Variants in SPSB4 observed in about 807,000 individuals in gnomAD.
The protein encoded by SPSB4 is SPRY domain-containing SOCS box protein 4.
SPSB4 carries 21 observed loss-of-function variants against 20.9 expected under a neutral mutation model. That is an observed-to-expected ratio of 1.01 (90% CI 0.71 to 1.45). The LOEUF is 1.45. Among genes scored for constraint, SPSB4 ranks in the 40% most tolerant of loss-of-function variants. The pLI, the probability that SPSB4 is intolerant of heterozygous loss-of-function variation, is 0.00. For missense variants in SPSB4, 399 were observed against 399.2 expected (o/e 1.00, Z 0.00); for synonymous variants, 207 against 183.8 (o/e 1.13, Z -1.02).
At chr3:141,112,402 T>C (rs945040109) in intron 2 of SPSB4, among the ~76,000 whole-genome samples, 2 of 151,642 alleles carry the variant, frequency 1.3e-5, no homozygotes, top group African/African-American at 4.8e-5. Flanking sequence ...TCCCAGCACT[T>C]TGGGAGGCCG....
At chr3:141,146,721 C>G in intron 2 of SPSB4, among the ~76,000 whole-genome samples, 1 of 151,478 alleles carries the variant, frequency 6.6e-6, no homozygotes, top group South Asian at 2.1e-4. Flanking sequence ...TTGCAGTGAG[C>G]CCAGATTGTG....
At chr3:141,134,167 A>G (rs915875001) in intron 2 of SPSB4, among the ~76,000 whole-genome samples, 1 of 142,652 alleles carries the variant, frequency 7.0e-6, no homozygotes, top group African/African-American at 2.6e-5. Flanking sequence ...TTGATTTTGT[A>G]TACTGAAACT....
chr3:141,123,720 TA>T (rs1223639803), intron 2 of SPSB4, among the ~76,000 whole-genome samples: 1 of 152,218 alleles, frequency 6.6e-6, no homozygotes, highest in African/African-American at 2.4e-5. Context: ...TCAGTACCCA[TA>T]GGGGCAGCTG....
intron 2 of SPSB4, among the ~76,000 whole-genome samples, chr3:141,097,196 T>C (rs1365246408): frequency 6.6e-6 from 1 of 151,768 alleles, no homozygotes; most frequent in Non-Finnish European, 1.5e-5. Flanking sequence ...ACATAGGCCA[T>C]TGCTGTAGTC....
intron 2 of SPSB4, among the ~76,000 whole-genome samples, chr3:141,140,832 G>A (rs1313803759): frequency 1.3e-5 from 2 of 152,196 alleles, no homozygotes; most frequent in East Asian, 3.8e-4. Context: ...CTGCGTGCTG[G>A]GAGAACCACT....
At chr3:141,111,667 A>G (rs1043274192) in intron 2 of SPSB4, among the ~76,000 whole-genome samples, 6 of 152,168 alleles carry the variant, frequency 3.9e-5, no homozygotes, top group Non-Finnish European at 2.9e-5. Context: ...CGTCCTAGGA[A>G]ACAGGTTCTT....
intron 2 of SPSB4, among the ~76,000 whole-genome samples, chr3:141,104,103 C>A (rs1419656246): frequency 1.3e-5 from 2 of 152,162 alleles, no homozygotes; most frequent in Non-Finnish European, 1.5e-5. Context: ...TATAAAGCAG[C>A]CCCTAGAAGG....
chr3:141,077,108 AG>A (rs1426097170), intron 2 of SPSB4: 26 of 152,296 alleles, frequency 1.7e-4, no homozygotes, highest in African/African-American at 6.0e-4. Flanking sequence ...GACACTAATA[AG>A]GCTGCTTGTC....
At chr3:141,082,846 C>T (rs1938264919) in intron 2 of SPSB4, among the ~76,000 whole-genome samples, 1 of 152,204 alleles carries the variant, frequency 6.6e-6, no homozygotes, top group African/African-American at 2.4e-5. Context: ...CTCTTTTCTT[C>T]CCCTGCTGTC....
At chr3:141,065,490 AG>A (rs1430031607) in intron 1 of SPSB4, among the ~76,000 whole-genome samples, 1 of 152,224 alleles carries the variant, frequency 6.6e-6, no homozygotes, top group Non-Finnish European at 1.5e-5. Flanking sequence ...TGGGATCAAA[AG>A]CACCTGGGTT....
At chr3:141,060,299 A>T (rs895957472) in intron 1 of SPSB4, among the ~76,000 whole-genome samples, 1 of 152,004 alleles carries the variant, frequency 6.6e-6, no homozygotes, top group East Asian at 1.9e-4. Flanking sequence ...AGCAACAGCA[A>T]CTCCACAGTT....
chr3:141,120,584 T>A lies in SPSB4; in HGVS notation c.695-26558T>A, dbSNP rs879629040. On this transcript the variant is annotated intron_variant, in intron 2 of 2. Coordinates refer to ENST00000310546, the MANE Select transcript of SPSB4 (RefSeq NM_080862.3). ...GATCTCTAAGGACTTCCTTTATGAA[T>A]CTGTGTGCTCCTGTATTGGGTGCAT... 3.3e-5 allele frequency among the ~76,000 whole-genome samples: 5 copies of A among 152,032 alleles called. No individual in the cohort carries two copies. In the East Asian group the frequency reaches 9.7e-4, roughly 29 times the overall value.
Position 141,063,588 on chromosome 3 carries a change from G to A in SPSB4, c.-153-2364G>A, listed in dbSNP as rs1937807146. On this transcript the variant is annotated intron_variant, in intron 1 of 2. Transcript: ENST00000310546. Reference sequence around the variant, plus strand: ...AGACCATGCTAGGTGTCTCCCTTCTGAAATAATCAATCACAAAATTAGTTT... The same window carrying A: ...AGACCATGCTAGGTGTCTCCCTTCTAAAATAATCAATCACAAAATTAGTTT... Among the ~76,000 whole-genome samples the A allele has an allele frequency of 4.6e-5, 7 of 152,300 alleles. 1 individual carries two copies. In the South Asian group the frequency reaches 1.4e-3, roughly 32 times the overall value.
At chr3:141,136,125 G>A (rs942983707) in intron 2 of SPSB4, among the ~76,000 whole-genome samples, 1 of 152,100 alleles carries the variant, frequency 6.6e-6, no homozygotes, top group Non-Finnish European at 1.5e-5. Flanking sequence ...GTGCTTTTTG[G>A]CTGCATGAAT....
chr3:141,124,167 CT>C (rs1939015508), intron 2 of SPSB4: 1 of 152,240 alleles, frequency 6.6e-6, no homozygotes. Flanking sequence ...GTTTCTCATT[CT>C]CATTGACCCA....
intron 2 of SPSB4, among the ~76,000 whole-genome samples, chr3:141,101,814 A>G (rs373654108): frequency 6.6e-6 from 1 of 152,236 alleles, no homozygotes; most frequent in East Asian, 1.9e-4. Flanking sequence ...CACATCTTAA[A>G]CTAGTCATAA....
intron 2 of SPSB4, among the ~76,000 whole-genome samples, chr3:141,083,508 A>C (rs1938280179): frequency 1.3e-5 from 2 of 152,072 alleles, no homozygotes; most frequent in African/African-American, 2.4e-5. Context: ...TGTGGCACCC[A>C]GCACCAGAAC....
chr3:141,070,185 CA>C (rs1261985639), intron 2 of SPSB4, among the ~76,000 whole-genome samples: 2 of 152,290 alleles, frequency 1.3e-5, no homozygotes, highest in African/African-American at 4.8e-5. Flanking sequence ...GAAGCTGTCC[CA>C]GGGGTTGTCC....
In SPSB4 at chr3:141,147,520, T is replaced by C. The variant is rs1439722735; in HGVS notation, c.*251T>C. 4.0e-6 allele frequency: 2 copies of C among 498,470 alleles called. No homozygotes were observed. The highest frequency in any genetic ancestry group is 6.8e-5 in the East Asian group (2 of 29,426). 30.9% of individuals were successfully genotyped at this position (498,470 alleles called of 1,614,324 possible). ...CTTCGGAGCCACAGAGAGCCTGGAG[T>C]CTGCACCTCCTGGAAATCCTGCCAC... On this transcript the variant is annotated 3_prime_UTR_variant, in exon 3 of 3. Coordinates refer to ENST00000310546, the MANE Select transcript of SPSB4 (RefSeq NM_080862.3).
Sources: gnomAD v4.1 joint callset for allele counts (sites outside exome capture counted in the v4.1 genomes callset) on GRCh38, gnomAD v4.1.1 for gene constraint, MANE v1.5 for transcripts, NCBI Gene and HGNC (gene_info 2026-07-23, HGNC 2026-07-21) for gene names.